The following DNM1L variants were observed in gnomAD, a reference collection of about 807,000 sequenced individuals.
DNM1L encodes the protein dynamin-1-like protein.
In DNM1L, 33 loss-of-function variants were observed where a neutral mutation model predicts 92.8. The observed-to-expected ratio is 0.36, with a 90% CI of 0.27 to 0.48. DNM1L has a LOEUF of 0.48. Among genes scored for constraint, DNM1L ranks in the 20% least tolerant of loss-of-function variants. DNM1L has a pLI of 0.99. For synonymous variants in DNM1L, 284 were observed against 305.0 expected (o/e 0.93, Z 0.72); for missense variants, 485 against 888.8 (o/e 0.55, Z 5.78).
intron 18 of DNM1L, among the ~76,000 whole-genome samples, chr12:32,741,744 C>T (rs1356349494): frequency 6.6e-6 from 1 of 152,142 alleles, no homozygotes; most frequent in Non-Finnish European, 1.5e-5. Context: ...TACACAAATA[C>T]TATTGTGTTA....
At chr12:32,711,233 C>T in intron 5 of DNM1L, 1 of 505,496 alleles carries the variant, frequency 2.0e-6, no homozygotes, top group Non-Finnish European at 3.5e-6. Flanking sequence ...CCTTTTCAGT[C>T]TCTTTTGCTG....
chr12:32,686,937 C>T (rs28796593), intron 1 of DNM1L, among the ~76,000 whole-genome samples: 1,660 of 95,120 alleles, frequency 0.017, 23 homozygotes, highest in Middle Eastern at 0.041. Flanking sequence ...TCTTTTTTTT[C>T]TTTTTTTTTT....
Position 32,731,812 on chromosome 12 carries a change from A to C in DNM1L, c.1357-42A>C, listed in dbSNP as rs763184516. On this transcript the variant is annotated intron_variant, in intron 11 of 19. Transcript: ENST00000549701. The surrounding 1 kb of genome is among the most constrained non-coding windows in gnomAD (Gnocchi z 5.1). The stretch of plus-strand genomic sequence containing the variant: ...TAGTGAGACTATGACTTAAAAAAAA[A>C]ACAAAAAACAAACACGTTTTTCTTT... The C allele has an allele frequency of 2.6e-5, 40 of 1,563,442 alleles. No individual in the cohort carries two copies. Among genetic ancestry groups the C allele is most frequent in the Non-Finnish European group, 3.2e-5 (36 of 1,134,772 alleles).
intron 1 of DNM1L, among the ~76,000 whole-genome samples, chr12:32,681,558 C>T (rs1039267842): frequency 5.4e-5 from 8 of 148,014 alleles, no homozygotes; most frequent in African/African-American, 2.0e-4. Context: ...TATTTTCTCC[C>T]CACACCGCCC....
intron 1 of DNM1L, among the ~76,000 whole-genome samples, chr12:32,695,602 C>T (rs1952412336): frequency 6.6e-6 from 1 of 152,078 alleles, no homozygotes; most frequent in African/African-American, 2.4e-5. Flanking sequence ...GAAACCCTGT[C>T]TCTACAAAAA....
At chr12:32,693,034 T>G (rs1295886851) in intron 1 of DNM1L, among the ~76,000 whole-genome samples, 1 of 152,246 alleles carries the variant, frequency 6.6e-6, no homozygotes, top group African/African-American at 2.4e-5. Flanking sequence ...AAATGTCTCA[T>G]GTTTGAGAAT....
intron 2 of DNM1L, among the ~76,000 whole-genome samples, chr12:32,702,745 G>C (rs1952764501): frequency 6.6e-6 from 1 of 151,948 alleles, no homozygotes; most frequent in African/African-American, 2.4e-5. Context: ...TAGAATGTTA[G>C]TCACTGAAGC....
At chr12:32,724,639 T>G (rs1249835089) in intron 9 of DNM1L, among the ~76,000 whole-genome samples, 3 of 138,962 alleles carry the variant, frequency 2.2e-5, no homozygotes, top group African/African-American at 8.1e-5. Flanking sequence ...TAATTAAATA[T>G]AAATTAAATA....
Position 32,686,119 on chromosome 12 carries a change from C to T in DNM1L, c.102+6654C>T, listed in dbSNP as rs184057430. 3.7e-4 allele frequency among the ~76,000 whole-genome samples: 51 copies of T among 138,220 alleles called. No homozygotes were observed. The East Asian group carries it at 9.7e-3, about 26-fold the overall frequency. 90.7% of individuals were successfully genotyped at this position (138,220 alleles called of 152,430 possible). ...AGGCTGGAGTGCAATGGCGCGATCT[C>T]GGCTCACAGCAACCTCCACCTCCCG... is the stretch of plus-strand genomic sequence containing the variant. On this transcript the variant is annotated intron_variant, in intron 1 of 19. Transcript: ENST00000549701.
chr12:32,738,933 C>T lies in DNM1L; in HGVS notation c.1707+637C>T, dbSNP rs572502632. 1.4e-4 allele frequency among the ~76,000 whole-genome samples: 22 copies of T among 152,324 alleles called. No individual in the cohort carries two copies. In the South Asian group the frequency reaches 2.7e-3, roughly 19 times the overall value. ...AAATGTCTTATCTTCTCTCAGCCCACTGTGCTCAGATATTAATCAAACCAT... is the reference window on the plus strand; with the variant it reads ...AAATGTCTTATCTTCTCTCAGCCCATTGTGCTCAGATATTAATCAAACCAT... On this transcript the variant is annotated intron_variant, in intron 16 of 19. Transcript: ENST00000549701.
rs1191849632 is a variant in DNM1L, at chr12:32,745,287, A to G, written c.*1877A>G. 5 of 223,750 alleles carry G rather than the reference A, an allele frequency of 2.2e-5. No individual in the cohort carries two copies. The highest frequency in any genetic ancestry group is 9.5e-5 in the African/African-American group (4 of 42,232). The allele number at this position is 223,750 out of a possible 1,614,324, so 13.9% of individuals were successfully genotyped here. On this transcript the variant is annotated 3_prime_UTR_variant, in exon 20 of 20. Transcript: ENST00000549701. ...TAGTCCTTTGAATTTGTAAGGGGAA[A>G]AAAAACAAAAACAAAAACTTACGAT...
chr12:32,694,554 T>C (rs1385566122), intron 1 of DNM1L, among the ~76,000 whole-genome samples: 1 of 152,212 alleles, frequency 6.6e-6, no homozygotes, highest in Non-Finnish European at 1.5e-5. Flanking sequence ...AGACTAAACA[T>C]TAGTCTTGAT....
At chr12:32,737,065 A>G (rs763677292) in intron 13 of DNM1L, 40 bp from the exon 14 acceptor site, 12 of 1,610,838 alleles carry the variant, frequency 7.4e-6, no homozygotes, top group Admixed American at 6.7e-5. Context: ...ATATATCTCA[A>G]TACTTGGATA....
At position 32,708,189 on chromosome 12, in the gene DNM1L, G is replaced by A. The variant is rs752843798; in HGVS notation, c.334G>A (p.Glu112Lys). 6.2e-7 allele frequency: 1 copy of A among 1,605,900 alleles called. No homozygotes were observed. The highest frequency in any genetic ancestry group is 1.1e-5 in the South Asian group (1 of 90,582). Residue 112 changes from glutamate to lysine, a missense_variant, in exon 4 of 20, where the codon GAA (glutamate) becomes AAA (lysine). Physicochemically the swap from Glu to Lys is moderately conservative, Grantham distance 56. Transcript: ENST00000549701. Reference protein sequence around the residue: ...TDFDEIRQEIENETERISGNN... With the variant: ...TDFDEIRQEIKNETERISGNN... ...TTTTGATGAAATTCGACAAGAAATT[G>A]AAAATGAAACAGAAAGAATTTCAGG...
rs1022543515 is a variant in DNM1L, at chr12:32,729,349, G to C, written c.1080-1665G>C. Among the ~76,000 whole-genome samples, 4 of 152,148 alleles carry C rather than the reference G, an allele frequency of 2.6e-5. No homozygotes were observed. The South Asian group carries it at 8.3e-4, about 32-fold the overall frequency. On this transcript the variant is annotated intron_variant, in intron 9 of 19. Coordinates refer to ENST00000549701, the MANE Select transcript of DNM1L (RefSeq NM_012062.5). Reference sequence around the variant, plus strand: ...GCCTGCCTCGGCCTCCCAAAGTGCTGGGATTACAGGCATGAGCCACCGCGC... The same window carrying C: ...GCCTGCCTCGGCCTCCCAAAGTGCTCGGATTACAGGCATGAGCCACCGCGC...
intron 1 of DNM1L, among the ~76,000 whole-genome samples, chr12:32,695,524 C>T (rs1055271700): frequency 3.9e-5 from 6 of 152,176 alleles, no homozygotes; most frequent in African/African-American, 1.4e-4. Context: ...AATCCCAGCA[C>T]TTTAGGAGGC....
At chr12:32,701,724 T>TTTTTG (rs902950530) in intron 2 of DNM1L, among the ~76,000 whole-genome samples, 162 bp downstream of exon 2, 2 of 151,604 alleles carry the variant, frequency 1.3e-5, no homozygotes, top group Non-Finnish European at 2.9e-5. Flanking sequence ...AAAAGAGTAG[T>TTTTTG]TTTTGTTTTG....
chr12:32,684,477 C>CTTTTTTTT (rs768276200), intron 1 of DNM1L, among the ~76,000 whole-genome samples: 4 of 146,094 alleles, frequency 2.7e-5, no homozygotes, highest in African/African-American at 5.0e-5. Context: ...CAACATAATT[C>CTTTTTTTT]TTTTTTTTTT....
chr12:32,717,364 TA>T (rs1316678284), intron 6 of DNM1L, among the ~76,000 whole-genome samples: 4 of 74,070 alleles, frequency 5.4e-5, no homozygotes, highest in East Asian at 5.9e-4. Flanking sequence ...ATAGTATATA[TA>T]ATATATATAC....
Sources: allele counts gnomAD v4.1 joint callset (sites outside exome capture counted in the v4.1 genomes callset), GRCh38; gene constraint gnomAD v4.1.1; non-coding constraint Gnocchi (gnomAD v3.1); transcripts MANE v1.5; gene names NCBI Gene and HGNC (gene_info 2026-07-23, HGNC 2026-07-21).